OR51B5: variants seen among roughly 807,000 people sequenced by gnomAD.
OR51B5 encodes olfactory receptor family 51 subfamily B member 5, also known as olfactory receptor 51B5.
For synonymous variants in OR51B5, 186 were observed against 144.8 expected, an observed-to-expected ratio of 1.28 and a Z score of -2.04; for missense variants, 456 against 374.6, an observed-to-expected ratio of 1.22 and a Z score of -1.79.
chr11:5,470,721 A>G (rs1384583761), intron 1 of OR51B5, among the ~76,000 whole-genome samples: 1 of 152,192 alleles, frequency 6.6e-6, no homozygotes, highest in Non-Finnish European at 1.5e-5. Flanking sequence ...GTCATTCTTA[A>G]TATTTCTCAC....
At chr11:5,387,893 T>C (rs576912829) in intron 1 of OR51B5, among the ~76,000 whole-genome samples, 3 of 149,186 alleles carry the variant, frequency 2.0e-5, no homozygotes, top group African/African-American at 4.9e-5. Flanking sequence ...TTACCTTGCA[T>C]TGCAGTATGT....
Position 5,351,955 on chromosome 11 carries a change from G to C in OR51B5, n.85-5045C>G, listed in dbSNP as rs1269850538. On this transcript the variant is annotated intron_variant and non_coding_transcript_variant, in intron 1 of 4. Coordinates refer to the OR51B5 transcript ENST00000415970. ...GATTGGTGTGCGGGTATTGACAAGG[G>C]CTGGTCTGTCCATTATGCCAATAGT... 5 of 1,612,994 alleles carry C rather than the reference G, an allele frequency of 3.1e-6. No individual in the cohort carries two copies. In the Admixed American group the frequency reaches 6.7e-5, roughly 22 times the overall value.
intron 1 of OR51B5, chr11:5,422,108 A>G: frequency 2.0e-6 from 2 of 990,766 alleles, no homozygotes; most frequent in Non-Finnish European, 3.0e-6. Context: ...ATTTGTGTAG[A>G]ATTTGGATTA....
At chr11:5,408,259 T>G (rs1349139232) in intron 1 of OR51B5, among the ~76,000 whole-genome samples, 1 of 152,154 alleles carries the variant, frequency 6.6e-6, no homozygotes, top group Non-Finnish European at 1.5e-5. Context: ...TCCCAATAAT[T>G]GCTTTCTAAG....
chr11:5,353,044 C>A (rs1172239764), intron 1 of OR51B5, among the ~76,000 whole-genome samples: 1 of 151,836 alleles, frequency 6.6e-6, no homozygotes, highest in Non-Finnish European at 1.5e-5. Flanking sequence ...TGGCTTCAGA[C>A]ATACATCCAG....
At chr11:5,505,211 C>A in intron 1 of OR51B5, 1 of 931,142 alleles carries the variant, frequency 1.1e-6, no homozygotes, top group African/African-American at 1.7e-5. Flanking sequence ...TTCTTTGGCT[C>A]AAATGGAAGG....
At chr11:5,488,113 C>T (rs1851522718) in intron 1 of OR51B5, among the ~76,000 whole-genome samples, 1 of 152,082 alleles carries the variant, frequency 6.6e-6, no homozygotes, top group African/African-American at 2.4e-5. Context: ...GTCAAAATGT[C>T]TAGGTACAAA....
chr11:5,405,551 C>T (rs1850046181), intron 1 of OR51B5, among the ~76,000 whole-genome samples: 2 of 151,924 alleles, frequency 1.3e-5, no homozygotes, highest in Admixed American at 1.3e-4. Context: ...TCTACATTCT[C>T]TATCTCTGCT....
intron 1 of OR51B5, chr11:5,391,536 T>C (rs115744188): frequency 0.01 from 1,545 of 152,308 alleles, 26 homozygotes; most frequent in African/African-American, 0.034. Context: ...AATGTATGCG[T>C]GGACATATAG....
chr11:5,422,784 G>T (rs1850370382), intron 1 of OR51B5: 1 of 1,614,132 alleles, frequency 6.2e-7, no homozygotes, highest in Non-Finnish European at 8.5e-7. Context: ...GCTGACATCA[G>T]GCTCAACAGC....
chr11:5,457,657 C>T (rs1364011596), intron 1 of OR51B5, among the ~76,000 whole-genome samples: 1 of 152,136 alleles, frequency 6.6e-6, no homozygotes, highest in Non-Finnish European at 1.5e-5. Context: ...TAGTAATAGT[C>T]ATTTCTCACT....
chr11:5,406,503 T>A (rs1850060057), intron 1 of OR51B5, among the ~76,000 whole-genome samples: 1 of 152,160 alleles, frequency 6.6e-6, no homozygotes, highest in African/African-American at 2.4e-5. Flanking sequence ...ACCTTTATAT[T>A]CTATGCTAAC....
chr11:5,437,023 G>A (rs1850604237), intron 1 of OR51B5, among the ~76,000 whole-genome samples: 3 of 152,114 alleles, frequency 2.0e-5, no homozygotes, highest in Admixed American at 1.3e-4. Flanking sequence ...TTGCCTGAGT[G>A]TGATGCTGTG....
chr11:5,352,416 T>C (rs5024041), intron 1 of OR51B5: 967,212 of 1,603,766 alleles, frequency 0.6, 293,330 homozygotes, highest in South Asian at 0.71. Context: ...GCATACTTCG[T>C]TTATTCTCTC....
At chr11:5,468,560 G>A (rs1365096397) in intron 1 of OR51B5, 1 of 416,252 alleles carries the variant, frequency 2.4e-6, no homozygotes, top group African/African-American at 2.0e-5. Flanking sequence ...TAGATAATTG[G>A]GTAGAGCATT....
chr11:5,351,670 G>C, intron 1 of OR51B5: 1 of 1,614,090 alleles, frequency 6.2e-7, no homozygotes, highest in Non-Finnish European at 8.5e-7. Flanking sequence ...TAACCTCCAT[G>C]AGCCCATGTA....
At chr11:5,376,785 C>A (rs1282040449) in intron 1 of OR51B5, among the ~76,000 whole-genome samples, 1 of 151,414 alleles carries the variant, frequency 6.6e-6, no homozygotes, top group Non-Finnish European at 1.5e-5. Context: ...CTGAATAGAC[C>A]AATAACAGGA....
intron 1 of OR51B5, among the ~76,000 whole-genome samples, chr11:5,445,300 G>A (rs1850744015): frequency 6.6e-6 from 1 of 152,026 alleles, no homozygotes. Flanking sequence ...TCATTAACAA[G>A]TCAATAAAAT....
In OR51B5 at chr11:5,441,283, A is replaced by C. The variant is rs1248957759; in HGVS notation, n.84+64286T>G. The stretch of plus-strand genomic sequence containing the variant: ...GTAGAAATCACAGTGGGAAGTGTAG[A>C]AAAGGACACTCCCAGATCATTGAGA... On this transcript the variant is annotated intron_variant and non_coding_transcript_variant, in intron 1 of 4. Transcript: ENST00000415970. 3 of 1,613,914 alleles carry C rather than the reference A, an allele frequency of 1.9e-6. No individual in the cohort carries two copies. In the South Asian group the frequency reaches 3.3e-5, roughly 18 times the overall value.
Sources: allele counts gnomAD v4.1 joint callset (sites outside exome capture counted in the v4.1 genomes callset), GRCh38; gene constraint gnomAD v4.1.1; transcripts MANE v1.5; gene names NCBI Gene and HGNC (gene_info 2026-07-23, HGNC 2026-07-21).